Variants in ADAMTS19 observed in about 807,000 individuals in gnomAD.
The protein encoded by ADAMTS19 is A disintegrin and metalloproteinase with thrombospondin motifs 19.
A neutral mutation model predicts 153.3 loss-of-function variants in ADAMTS19; 93 were observed. That is an observed-to-expected ratio of 0.61 (90% confidence interval 0.51 to 0.72). The LOEUF is 0.72. Ranked by LOEUF, ADAMTS19 falls within the 30% of genes least tolerant of loss-of-function variation. The pLI is 0.00. For missense variants in ADAMTS19, 1,482 were observed against 1,552.1 expected, an observed-to-expected ratio of 0.95 and a Z score of 0.76; for synonymous variants, 600 against 556.6, an observed-to-expected ratio of 1.08 and a Z score of -1.10.
intron 2 of ADAMTS19, among the ~76,000 whole-genome samples, chr5:129,501,159 T>C (rs1751091186): frequency 1.3e-5 from 2 of 152,118 alleles, no homozygotes; most frequent in South Asian, 4.1e-4. Context: ...TAAATTCTGG[T>C]TGTATGATCA....
chr5:129,500,093 AG>A (rs1488285661), intron 2 of ADAMTS19, among the ~76,000 whole-genome samples: 1 of 152,140 alleles, frequency 6.6e-6, no homozygotes, highest in Non-Finnish European at 1.5e-5. Context: ...TAATCTTTCA[AG>A]TATTTATTAT....
Position 129,686,722 on chromosome 5 carries a change from T to C in ADAMTS19, c.2818+2449T>C, listed in dbSNP as rs1241242656. ...GGCTCAGAGCTTTGAGGTTCTCACC[T>C]GACTCCAGGAGCATCTTTGCCAGAG... On this transcript the variant is annotated intron_variant, in intron 18 of 22. Transcript: ENST00000274487. Among the ~76,000 whole-genome samples, 7 of 152,160 alleles carry C rather than the reference T, an allele frequency of 4.6e-5. No individual in the cohort carries two copies. The East Asian group carries it at 1.2e-3, about 25-fold the overall frequency.
chr5:129,733,705 T>C (rs1757544020), intron 21 of ADAMTS19, among the ~76,000 whole-genome samples: 1 of 152,002 alleles, frequency 6.6e-6, no homozygotes, highest in African/African-American at 2.4e-5. Flanking sequence ...ACATTGTTAG[T>C]GAAAATGTAA....
intron 3 of ADAMTS19, among the ~76,000 whole-genome samples, chr5:129,518,988 A>T (rs1047703314): frequency 1.3e-5 from 2 of 152,082 alleles, no homozygotes; most frequent in African/African-American, 4.8e-5. Flanking sequence ...ACTGTGATTC[A>T]CTCTTCAATA....
chr5:129,521,232 C>T (rs1235011892), intron 3 of ADAMTS19, among the ~76,000 whole-genome samples: 1 of 151,874 alleles, frequency 6.6e-6, no homozygotes, highest in Non-Finnish European at 1.5e-5. Flanking sequence ...ATTTGATAAT[C>T]AAAATGTAAT....
chr5:129,690,227 G>A (rs1480363201), intron 18 of ADAMTS19, among the ~76,000 whole-genome samples: 1 of 152,186 alleles, frequency 6.6e-6, no homozygotes, highest in Non-Finnish European at 1.5e-5. Flanking sequence ...CAGTGATAAA[G>A]GAAGATATAG....
chr5:129,628,898 A>G (rs975873703), intron 10 of ADAMTS19, among the ~76,000 whole-genome samples: 2 of 152,098 alleles, frequency 1.3e-5, no homozygotes, highest in African/African-American at 4.8e-5. Context: ...AGGCTTGTGT[A>G]AGTACACTCA....
intron 18 of ADAMTS19, among the ~76,000 whole-genome samples, chr5:129,686,273 A>T (rs1755085095): frequency 6.6e-6 from 1 of 152,114 alleles, no homozygotes; most frequent in Non-Finnish European, 1.5e-5. Flanking sequence ...CAAGAGGCTG[A>T]AAGTGGTGGA....
At chr5:129,683,752 T>G (rs1198361504) in intron 17 of ADAMTS19, among the ~76,000 whole-genome samples, 1 of 151,346 alleles carries the variant, frequency 6.6e-6, no homozygotes, top group East Asian at 1.9e-4. Flanking sequence ...GCCGCCACTT[T>G]TGCCCACCTC....
At chr5:129,648,197 T>C (rs928660035) in intron 12 of ADAMTS19, among the ~76,000 whole-genome samples, 5 of 152,084 alleles carry the variant, frequency 3.3e-5, no homozygotes, top group African/African-American at 1.2e-4. Flanking sequence ...TTACAGGAAC[T>C]GGGAGAAGAG....
intron 6 of ADAMTS19, among the ~76,000 whole-genome samples, chr5:129,549,615 T>G (rs1752991844): frequency 2.0e-5 from 3 of 151,522 alleles, no homozygotes; most frequent in Non-Finnish European, 4.4e-5. Context: ...CAATGGAATT[T>G]TAACAGTCTT....
intron 7 of ADAMTS19, among the ~76,000 whole-genome samples, chr5:129,564,854 A>C (rs1181492945): frequency 6.6e-6 from 1 of 152,212 alleles, no homozygotes; most frequent in African/African-American, 2.4e-5. Flanking sequence ...AATCCAATGG[A>C]GTCAGATTGG....
At chr5:129,732,032 T>C (rs989761728) in intron 21 of ADAMTS19, among the ~76,000 whole-genome samples, 11 of 152,152 alleles carry the variant, frequency 7.2e-5, no homozygotes, top group Admixed American at 1.3e-4. Context: ...CATCAGACTA[T>C]TTGTGTCAAA....
At chr5:129,553,039 C>T (rs932011553) in intron 7 of ADAMTS19, among the ~76,000 whole-genome samples, 5 of 152,032 alleles carry the variant, frequency 3.3e-5, no homozygotes, top group African/African-American at 9.7e-5. Context: ...CAGTTTTCTT[C>T]TTTTCCTGTC....
intron 16 of ADAMTS19, among the ~76,000 whole-genome samples, chr5:129,678,735 A>T (rs1754661193): frequency 6.6e-6 from 1 of 152,156 alleles, no homozygotes; most frequent in Non-Finnish European, 1.5e-5. Context: ...CTGGATATTT[A>T]AGGGAAATAT....
intron 2 of ADAMTS19, among the ~76,000 whole-genome samples, chr5:129,478,164 C>A (rs1750288402): frequency 6.6e-6 from 1 of 152,102 alleles, no homozygotes; most frequent in Admixed American, 6.6e-5. Context: ...CCGGCTTGAA[C>A]AAATGCTTGT....
At chr5:129,723,150 A>G (rs1033278138) in intron 21 of ADAMTS19, among the ~76,000 whole-genome samples, 3 of 152,202 alleles carry the variant, frequency 2.0e-5, no homozygotes, top group African/African-American at 7.2e-5. Flanking sequence ...TCATGTCTGT[A>G]TCTGTTACTA....
intron 2 of ADAMTS19, among the ~76,000 whole-genome samples, chr5:129,505,953 T>TATAAAA (rs1751256002): frequency 6.6e-6 from 1 of 152,182 alleles, no homozygotes; most frequent in Admixed American, 6.6e-5. Flanking sequence ...TATTAATTCA[T>TATAAAA]ATAATCTTAT....
At chr5:129,712,698 A>G (rs1471014353) in intron 21 of ADAMTS19, among the ~76,000 whole-genome samples, 1 of 152,194 alleles carries the variant, frequency 6.6e-6, no homozygotes, top group Non-Finnish European at 1.5e-5. Flanking sequence ...TGCTGAAAAC[A>G]GTCAAGTACA....
Sources: allele counts gnomAD v4.1 joint callset (sites outside exome capture counted in the v4.1 genomes callset), GRCh38; gene constraint gnomAD v4.1.1; transcripts MANE v1.5; gene names NCBI Gene and HGNC (gene_info 2026-07-23, HGNC 2026-07-21).